SEL1L3: variants seen among roughly 807,000 people sequenced by gnomAD.
The protein encoded by SEL1L3 is SEL1L family member 3.
SEL1L3 carries 76 observed loss-of-function variants against 142.8 expected under a neutral mutation model. The ratio of observed to expected loss-of-function variants is 0.53; its 90% confidence interval spans 0.44 to 0.64. The LOEUF is 0.64. Among genes scored for constraint, SEL1L3 ranks in the 30% least tolerant of loss-of-function variants. The probability of loss-of-function intolerance (pLI) is 0.00; values close to 1 mark genes in which losing one functional copy is unlikely to be tolerated. For synonymous variants in SEL1L3, 504 were observed against 519.6 expected, an observed-to-expected ratio of 0.97 and a Z score of 0.41; for missense variants, 1,262 against 1,381.7, an observed-to-expected ratio of 0.91 and a Z score of 1.37.
chr4:25,797,098 G>C (rs2109208233), intron 11 of SEL1L3, among the ~76,000 whole-genome samples: 1 of 151,024 alleles, frequency 6.6e-6, no homozygotes, highest in South Asian at 2.1e-4. Context: ...AGAAAGAAAG[G>C]AAGTGGAAAA....
chr4:25,790,958 T>C (rs1300888518), intron 11 of SEL1L3, among the ~76,000 whole-genome samples: 1 of 152,246 alleles, frequency 6.6e-6, no homozygotes, highest in Non-Finnish European at 1.5e-5. Flanking sequence ...TAAGGTCAAA[T>C]TCTTTTTAAA....
chr4:25,773,012 G>A (rs985753606), intron 17 of SEL1L3, among the ~76,000 whole-genome samples: 3 of 152,110 alleles, frequency 2.0e-5, no homozygotes, highest in African/African-American at 7.2e-5. Context: ...GGTCAGGCTG[G>A]TCTCAAACTC....
chr4:25,716,491 A>G, the SEL1L3 span, among the ~76,000 whole-genome samples: 15 of 152,192 alleles, frequency 9.9e-5, no homozygotes, highest in Non-Finnish European at 2.1e-4. Context: ...CAGTAATTGC[A>G]CTTTTGGGTA....
At chr4:25,789,006 GCA>G (rs1712076977) in intron 12 of SEL1L3, among the ~76,000 whole-genome samples, 1 of 152,154 alleles carries the variant, frequency 6.6e-6, no homozygotes, top group Non-Finnish European at 1.5e-5. Flanking sequence ...GCAAGCTCTG[GCA>G]CACCCAGGAA....
intron 10 of SEL1L3, among the ~76,000 whole-genome samples, chr4:25,802,768 A>G (rs1390875920): frequency 6.6e-6 from 1 of 152,066 alleles, no homozygotes; most frequent in Non-Finnish European, 1.5e-5. Context: ...TTTTTAGTAG[A>G]GATGGGATTT....
intron 1 of SEL1L3, among the ~76,000 whole-genome samples, chr4:25,862,421 G>A (rs2109334910): frequency 2.0e-5 from 3 of 152,186 alleles, no homozygotes; most frequent in South Asian, 2.1e-4. Flanking sequence ...ACCCGACCCG[G>A]GTCTAGAGAG....
rs375793719 is a variant in SEL1L3, at chr4:25,804,723, C to G, written c.1594G>C (p.Glu532Gln). 3.0e-4 allele frequency: 491 copies of G among 1,613,628 alleles called. No homozygotes were observed. Among genetic ancestry groups the G allele is most frequent in the Middle Eastern group, 6.7e-4 (4 of 5,972 alleles). ...TTCTCAAATATCTTCCCACCGATTT[C>G]TGATACAGATTCATTTTGGTTCCTT... ...VPRNQNESVS[E>Q]IGGKIFEKAV... Residue 532 changes from glutamate (E) to glutamine (Q), a missense_variant, in exon 10 of 24, where the codon GAA becomes CAA. Glu to Gln is a conservative substitution (Grantham distance 29, BLOSUM62 2). Transcript: ENST00000399878.
At chr4:25,738,877 G>T in the SEL1L3 span, among the ~76,000 whole-genome samples, 1 of 152,180 alleles carries the variant, frequency 6.6e-6, no homozygotes, top group African/African-American at 2.4e-5. Flanking sequence ...AACCAGGGCA[G>T]TTTGGCTCCC....
chr4:25,826,078 T>G (rs1180960615), intron 6 of SEL1L3, among the ~76,000 whole-genome samples: 1 of 152,228 alleles, frequency 6.6e-6, no homozygotes, highest in African/African-American at 2.4e-5. Flanking sequence ...TGAATTTGTT[T>G]TCTGTTTGTC....
chr4:25,823,001 G>A (rs1458667923), intron 6 of SEL1L3, among the ~76,000 whole-genome samples: 32 of 152,130 alleles, frequency 2.1e-4, no homozygotes, highest in Admixed American at 2.1e-3. Context: ...AGGACACAGA[G>A]CATACCTTTT....
At chr4:25,798,599 A>T (rs1560310134) in intron 11 of SEL1L3, among the ~76,000 whole-genome samples, 1 of 152,216 alleles carries the variant, frequency 6.6e-6, no homozygotes, top group Non-Finnish European at 1.5e-5. Flanking sequence ...AGGCCAAGGT[A>T]GGCGGATCAC....
intron 11 of SEL1L3, among the ~76,000 whole-genome samples, chr4:25,792,131 C>G (rs546596754): frequency 6.6e-6 from 1 of 152,156 alleles, no homozygotes; most frequent in Non-Finnish European, 1.5e-5. Flanking sequence ...TTAACAGTAA[C>G]ACTTAGAATA....
intron 3 of SEL1L3, among the ~76,000 whole-genome samples, chr4:25,834,120 C>T (rs1011093369): frequency 6.6e-6 from 1 of 152,184 alleles, no homozygotes; most frequent in Non-Finnish European, 1.5e-5. Flanking sequence ...TTCAGTATCA[C>T]GGTCCTGGCT....
At chr4:25,751,720 G>A (rs1436072995) in intron 23 of SEL1L3, among the ~76,000 whole-genome samples, 1 of 150,632 alleles carries the variant, frequency 6.6e-6, no homozygotes, top group Non-Finnish European at 1.5e-5. Flanking sequence ...TATATATGAT[G>A]AAGATCAAGA....
intron 7 of SEL1L3, among the ~76,000 whole-genome samples, 194 bp from the exon 8 acceptor site, chr4:25,820,134 C>T (rs567896221): frequency 6.6e-6 from 1 of 152,330 alleles, no homozygotes; most frequent in East Asian, 1.9e-4. Context: ...GCTCTGATGG[C>T]TTCCCTTCAG....
chr4:25,725,317 G>C, the SEL1L3 span, among the ~76,000 whole-genome samples: 1 of 126,426 alleles, frequency 7.9e-6, no homozygotes, highest in African/African-American at 3.5e-5. Flanking sequence ...CTGCTGGTTG[G>C]CTTTTTTTTT....
intron 2 of SEL1L3, 91 bp from the exon 3 acceptor site, chr4:25,835,414 C>A: frequency 7.1e-7 from 1 of 1,408,598 alleles, no homozygotes; most frequent in South Asian, 1.3e-5. Flanking sequence ...TGCTGAGCTC[C>A]AATCAAACAT....
chr4:25,786,746 C>T (rs112063815), intron 13 of SEL1L3, among the ~76,000 whole-genome samples: 12 of 152,328 alleles, frequency 7.9e-5, no homozygotes, highest in African/African-American at 2.9e-4. Context: ...GCTTATTGAA[C>T]AAACACATGA....
intron 1 of SEL1L3, among the ~76,000 whole-genome samples, chr4:25,858,811 C>T (rs1319980461): frequency 6.6e-6 from 1 of 152,132 alleles, no homozygotes; most frequent in Non-Finnish European, 1.5e-5. Context: ...GTCTCGATCT[C>T]CTGACCTCGT....
Sources: gnomAD v4.1 joint callset for allele counts (sites outside exome capture counted in the v4.1 genomes callset) on GRCh38, gnomAD v4.1.1 for gene constraint, MANE v1.5 for transcripts, NCBI Gene and HGNC (gene_info 2026-07-23, HGNC 2026-07-21) for gene names.